The following CASK variants were observed in gnomAD, a reference collection of about 807,000 sequenced individuals.
CASK encodes the protein peripheral plasma membrane protein CASK.
A neutral mutation model predicts 82.9 loss-of-function variants in CASK; 4 were observed. The observed-to-expected ratio is 0.05, with a 90% CI of 0.02 to 0.11. The LOEUF (loss-of-function observed/expected upper bound fraction) is 0.11, where lower values mean the gene tolerates loss of function less well. CASK is among the 10% of genes least tolerant of loss of function. CASK has a pLI of 1.00. For missense variants in CASK, 358 were observed against 720.9 expected, an observed-to-expected ratio of 0.50 and a Z score of 5.76; for synonymous variants, 259 against 253.5, an observed-to-expected ratio of 1.02 and a Z score of -0.20.
At chrX:41,544,807 A>C (rs1053480418) in intron 21 of CASK, among the ~76,000 whole-genome samples, 1 of 110,921 alleles carries the variant, frequency 9.0e-6, no homozygotes, top group Non-Finnish European at 1.9e-5. Flanking sequence ...AGGCTGAAGC[A>C]GGAGGATGAC....
At chrX:41,530,843 G>A (rs140788860) in intron 25 of CASK, among the ~76,000 whole-genome samples, 164 bp downstream of exon 25, 1 of 112,408 alleles carries the variant, frequency 8.9e-6, no homozygotes, top group African/African-American at 3.2e-5. Flanking sequence ...TAGTCAGCTG[G>A]CATTCTAGAC....
At position 41,515,641 on chromosome X, in the gene CASK, C is replaced by T. The variant is rs1330748346; in HGVS notation, c.*4779G>A. The T allele has an allele frequency of 9.0e-6, 1 of 111,238 alleles. No homozygotes were observed. Among genetic ancestry groups the T allele is most frequent in the Admixed American group, 9.5e-5 (1 of 10,478 alleles). 9.2% of individuals were successfully genotyped at this position (111,238 alleles called of 1,213,427 possible). A position where few individuals can be genotyped will look rare whatever the true frequency, so the allele number is the denominator to read the frequency against. ...CCTGCACAGATGACATTCCGGGAAA[C>T]AGCTAAGACTGGAAATCAATTCCCC... is the stretch of plus-strand genomic sequence containing the variant. On this transcript the variant is annotated 3_prime_UTR_variant, in exon 27 of 27. Transcript: ENST00000378163.
At chrX:41,688,391 A>G (rs2067481835) in intron 5 of CASK, among the ~76,000 whole-genome samples, 1 of 112,240 alleles carries the variant, frequency 8.9e-6, no homozygotes, top group African/African-American at 3.2e-5. Flanking sequence ...ATGGACAGAT[A>G]GTGGTTAAAT....
In CASK at chrX:41,811,100, C is replaced by T. The variant is rs1317874072; in HGVS notation, c.173-23817G>A. 3.6e-5 allele frequency among the ~76,000 whole-genome samples: 4 copies of T among 111,417 alleles called. 1 individual carries two copies. The highest frequency in any genetic ancestry group is 7.5e-5 in the Non-Finnish European group (4 of 53,072). ...CATAAAGCAAGTCCTTAGAGACCTA[C>T]AAAGAGACTTAGACTCCCACACAAT... On this transcript the variant is annotated intron_variant, in intron 2 of 26. Coordinates refer to ENST00000378163, the MANE Select transcript of CASK (RefSeq NM_001367721.1).
chrX:41,662,740 C>G (rs2067056346), intron 7 of CASK, among the ~76,000 whole-genome samples: 1 of 110,772 alleles, frequency 9.0e-6, no homozygotes, highest in African/African-American at 3.3e-5. Flanking sequence ...TTGCAGTGAG[C>G]CAAGATCGTG....
intron 3 of CASK, among the ~76,000 whole-genome samples, chrX:41,754,878 GTT>G (rs869108372): frequency 5.3e-5 from 5 of 94,203 alleles, no homozygotes; most frequent in Non-Finnish European, 4.3e-5. Context: ...TTTCTGACAA[GTT>G]TTTTTTTTTT....
chrX:41,615,266 T>C (rs937637629), intron 11 of CASK, among the ~76,000 whole-genome samples: 1 of 111,733 alleles, frequency 8.9e-6, no homozygotes, highest in Non-Finnish European at 1.9e-5. Context: ...CACTTCCTTC[T>C]ACCTGATCTT....
At chrX:41,548,321 T>C (rs2065051095) in intron 21 of CASK, among the ~76,000 whole-genome samples, 1 of 111,887 alleles carries the variant, frequency 8.9e-6, no homozygotes, top group African/African-American at 3.3e-5. Flanking sequence ...TTCAATTTGC[T>C]AATATTTTGC....
At chrX:41,526,738 C>A (rs1602211941) in intron 25 of CASK, among the ~76,000 whole-genome samples, 1 of 112,037 alleles carries the variant, frequency 8.9e-6, no homozygotes, top group East Asian at 2.8e-4. Context: ...ATCACAGTAA[C>A]TAAAGTAGCC....
chrX:41,560,428 T>G (rs193298743), intron 17 of CASK, among the ~76,000 whole-genome samples: 1 of 106,649 alleles, frequency 9.4e-6, no homozygotes, highest in African/African-American at 3.4e-5. Context: ...CATGCCTTGC[T>G]AATGTTTGTA....
chrX:41,529,829 C>T (rs964867086), intron 25 of CASK, among the ~76,000 whole-genome samples: 5 of 112,085 alleles, frequency 4.5e-5, no homozygotes, highest in Non-Finnish European at 9.4e-5. Flanking sequence ...TTCAAGAACC[C>T]CATCAGGTGT....
intron 5 of CASK, chrX:41,727,578 G>C (rs2068285182): frequency 2.5e-6 from 3 of 1,203,900 alleles, no homozygotes; most frequent in Non-Finnish European, 3.4e-6. Flanking sequence ...AAGGAGAAGA[G>C]AGCCTATGCT....
intron 3 of CASK, among the ~76,000 whole-genome samples, chrX:41,750,701 T>C (rs2068772600): frequency 8.9e-6 from 1 of 112,178 alleles, no homozygotes; most frequent in African/African-American, 3.2e-5. Flanking sequence ...AATTAAGAAA[T>C]TATCCAAAAC....
chrX:41,873,770 C>G (rs192100685), intron 1 of CASK, among the ~76,000 whole-genome samples: 1 of 105,873 alleles, frequency 9.4e-6, no homozygotes, highest in Admixed American at 1.0e-4. Context: ...AAAGTAATTG[C>G]AGTTTTTGTT....
chrX:41,559,952 C>T, intron 17 of CASK, 105 bp from the exon 18 acceptor site: 1 of 630,625 alleles, frequency 1.6e-6, no homozygotes, highest in East Asian at 3.5e-5. Flanking sequence ...TTAGCACAAG[C>T]CATCTGAGAG....
At chrX:41,818,527 C>T (rs983514604) in intron 2 of CASK, among the ~76,000 whole-genome samples, 2 of 109,689 alleles carry the variant, frequency 1.8e-5, no homozygotes, top group Admixed American at 2.0e-4. Context: ...TGATTGAACC[C>T]GAGGGGTCAA....
intron 9 of CASK, among the ~76,000 whole-genome samples, chrX:41,632,615 C>T (rs1239777670): frequency 8.9e-6 from 1 of 111,829 alleles, no homozygotes; most frequent in Admixed American, 9.6e-5. Context: ...TTACATATGG[C>T]TATTTACTAC....
At chrX:41,782,190 C>A (rs1480668391) in intron 3 of CASK, among the ~76,000 whole-genome samples, 2 of 112,047 alleles carry the variant, frequency 1.8e-5, no homozygotes, top group Non-Finnish European at 3.8e-5. Context: ...TCAGGAGGAA[C>A]AGAATAGGAA....
chrX:41,667,867 C>T (rs1455597255), intron 6 of CASK, among the ~76,000 whole-genome samples: 3 of 111,816 alleles, frequency 2.7e-5, no homozygotes, highest in African/African-American at 9.8e-5. Flanking sequence ...ACAGAAAGCA[C>T]CCTCAGGAAC....
Sources: allele counts gnomAD v4.1 joint callset (sites outside exome capture counted in the v4.1 genomes callset), GRCh38; gene constraint gnomAD v4.1.1; transcripts MANE v1.5; gene names NCBI Gene and HGNC (gene_info 2026-07-23, HGNC 2026-07-21).